MARK3: variants seen among roughly 807,000 people sequenced by gnomAD.
MARK3 encodes the protein MAP/microtubule affinity-regulating kinase 3.
A neutral mutation model predicts 90.1 loss-of-function variants in MARK3; 46 were observed. The ratio of observed to expected loss-of-function variants is 0.51; its 90% confidence interval spans 0.40 to 0.65. The LOEUF is 0.65. Ranked by LOEUF, MARK3 falls within the 30% of genes least tolerant of loss-of-function variation. MARK3 has a pLI of 0.00. For synonymous variants in MARK3, 321 were observed against 332.6 expected, an observed-to-expected ratio of 0.97 and a Z score of 0.38; for missense variants, 818 against 947.2, an observed-to-expected ratio of 0.86 and a Z score of 1.79.
Position 103,462,410 on chromosome 14 carries a change from G to T in MARK3, c.489G>T (p.Val163=). The T allele has an allele frequency of 1.2e-6, 2 of 1,601,586 alleles. No homozygotes were observed. Among genetic ancestry groups the T allele is most frequent in the Non-Finnish European group, 8.5e-7 (1 of 1,169,598 alleles). The change falls in exon 7 of 18, where the codon GTG becomes GTT. Residue 163 remains valine, a synonymous_variant. Coordinates refer to ENST00000429436, the MANE Select transcript of MARK3 (RefSeq NM_001128918.3). ...KEARSKFRQI[V]SAVQYCHQKR... ...TCTGCGTCTCTCCTATTCAGATTGT[G>T]TCTGCAGTTCAATACTGCCATCAGA...
intron 3 of MARK3, among the ~76,000 whole-genome samples, chr14:103,430,305 A>G (rs949612876): frequency 2.0e-5 from 3 of 152,180 alleles, no homozygotes; most frequent in African/African-American, 7.2e-5. Flanking sequence ...TATGAAGTAA[A>G]TTAGAAGCAT....
chr14:103,404,804 G>A (rs1267170791), intron 1 of MARK3, among the ~76,000 whole-genome samples: 2 of 152,134 alleles, frequency 1.3e-5, no homozygotes, highest in East Asian at 1.9e-4. Context: ...CCAGAAGGTA[G>A]CCCTTTTACT....
rs2091206777 is a variant in MARK3 at position 103,405,190 on chromosome 14, T to C, written c.166T>C (p.Tyr56His). ...CADEQPHIGN[Y>H]RLLKTIGKGN... ...AGATGAACAACCTCACATCGGAAACTACAGACTGTTGAAAACAATCGGCAA... is the reference window on the plus strand; with the variant it reads ...AGATGAACAACCTCACATCGGAAACCACAGACTGTTGAAAACAATCGGCAA... The change falls in exon 2 of 18, where the codon TAC (tyrosine) becomes CAC (histidine). Residue 56 changes from tyrosine to histidine, a missense_variant. By Grantham distance (83) the Tyr-to-His change is moderately conservative (BLOSUM62 2). Transcript: ENST00000429436. 6.3e-7 allele frequency: 1 copy of C among 1,596,918 alleles called. No homozygotes were observed.
intron 2 of MARK3, among the ~76,000 whole-genome samples, chr14:103,413,242 T>C (rs2065017): frequency 0.28 from 43,031 of 152,076 alleles, 7,261 homozygotes; most frequent in Non-Finnish European, 0.36. Flanking sequence ...GTAACTTTTT[T>C]CATCTATGTT....
chr14:103,414,969 T>A (rs12881583), intron 2 of MARK3, among the ~76,000 whole-genome samples: 1 of 150,094 alleles, frequency 6.7e-6, no homozygotes, highest in East Asian at 1.9e-4. Context: ...CTGGCCAACA[T>A]GGCAAAATCC....
At chr14:103,462,499 G>T (rs1396578410) in intron 7 of MARK3, 38 bp downstream of exon 7, 1 of 1,502,338 alleles carries the variant, frequency 6.7e-7, no homozygotes, top group Non-Finnish European at 9.2e-7. Context: ...TGCTCTGTCT[G>T]TTTGTGTGCA....
At chr14:103,423,370 A>G (rs1052798632) in intron 2 of MARK3, among the ~76,000 whole-genome samples, 1 of 152,074 alleles carries the variant, frequency 6.6e-6, no homozygotes, top group Non-Finnish European at 1.5e-5. Context: ...CATCTCATGT[A>G]TGAGCTGTCC....
At chr14:103,490,597 T>C (rs1488278054) in intron 14 of MARK3, 1 of 152,316 alleles carries the variant, frequency 6.6e-6, no homozygotes, top group Admixed American at 6.5e-5. Context: ...CATGCTCATA[T>C]TATATATTCA....
chr14:103,487,028 T>G (rs552917985), intron 14 of MARK3, among the ~76,000 whole-genome samples: 11 of 151,960 alleles, frequency 7.2e-5, no homozygotes, highest in Admixed American at 7.2e-4. Context: ...ACGATTCTTA[T>G]ACCTCAGCCT....
At position 103,503,753 on chromosome 14, in the gene MARK3, A is replaced by G. The variant is rs1224969049; in HGVS notation, c.*526A>G. ...TTTTTAGTGCAAAAGGTTTAAATTT[A>G]TAGTTGTGAACATTGCTTGTGTGTG... On this transcript the variant is annotated 3_prime_UTR_variant, in exon 18 of 18. Coordinates refer to ENST00000429436, the MANE Select transcript of MARK3 (RefSeq NM_001128918.3). 6.5e-6 allele frequency: 1 copy of G among 153,768 alleles called. No individual in the cohort carries two copies. The highest frequency in any genetic ancestry group is 2.4e-5 in the African/African-American group (1 of 41,470). 9.5% of individuals were successfully genotyped at this position (153,768 alleles called of 1,614,324 possible).
At chr14:103,478,480 ACTT>A (rs779300993) in intron 13 of MARK3, among the ~76,000 whole-genome samples, 10 of 148,102 alleles carry the variant, frequency 6.8e-5, no homozygotes, top group Non-Finnish European at 1.0e-4. Flanking sequence ...TTTTGTGTCT[ACTT>A]CTTTCTTTGA....
chr14:103,404,311 C>CT (rs1335352386), intron 1 of MARK3, among the ~76,000 whole-genome samples: 1 of 151,920 alleles, frequency 6.6e-6, no homozygotes, highest in African/African-American at 2.4e-5. Context: ...AATGAGAAGC[C>CT]TCCCTTGGGC....
chr14:103,469,467 C>G (rs1383558613), intron 12 of MARK3, among the ~76,000 whole-genome samples: 1 of 151,568 alleles, frequency 6.6e-6, no homozygotes, highest in African/African-American at 2.4e-5. Flanking sequence ...CAGGTGTGAG[C>G]CACCGCGCCT....
chr14:103,463,557 A>G (rs1297309247), intron 7 of MARK3, among the ~76,000 whole-genome samples: 1 of 152,154 alleles, frequency 6.6e-6, no homozygotes, highest in African/African-American at 2.4e-5. Flanking sequence ...CTCCTGTGCT[A>G]CCCACTCAGT....
intron 1 of MARK3, among the ~76,000 whole-genome samples, chr14:103,390,629 A>G (rs2090174590): frequency 6.6e-6 from 1 of 152,214 alleles, no homozygotes; most frequent in South Asian, 2.1e-4. Context: ...AACAAAGTTT[A>G]TGAATTTGTG....
rs563758864 is a variant in MARK3, at chr14:103,495,234, G to T, written c.1844+3200G>T. On this transcript the variant is annotated intron_variant, in intron 15 of 17. Transcript: ENST00000429436. ...GCCTGTAATCCCAGCACTTTGGGAG[G>T]CCAAGGCAGGTAGATCAGGTAGATC... 3.2e-4 allele frequency among the ~76,000 whole-genome samples: 49 copies of T among 152,280 alleles called. No homozygotes were observed. The East Asian group carries it at 9.1e-3, about 28-fold the overall frequency.
chr14:103,399,714 A>T (rs78589869), intron 1 of MARK3, among the ~76,000 whole-genome samples: 1 of 82,122 alleles, frequency 1.2e-5, no homozygotes, highest in Non-Finnish European at 2.7e-5. Context: ...AAAAAAAAAG[A>T]AAAAAAAAAA....
chr14:103,492,109 G>A, intron 15 of MARK3, 75 bp downstream of exon 15: 1 of 1,524,078 alleles, frequency 6.6e-7, no homozygotes, highest in Non-Finnish European at 8.9e-7. Context: ...GTTGTGTGAA[G>A]CCACTGCTAC....
chr14:103,402,009 G>C (rs1272656876), intron 1 of MARK3, among the ~76,000 whole-genome samples: 1 of 152,190 alleles, frequency 6.6e-6, no homozygotes, highest in African/African-American at 2.4e-5. Flanking sequence ...TCTACTGGCT[G>C]ATGTCGTGGG....
Sources: gnomAD v4.1 joint callset for allele counts (sites outside exome capture counted in the v4.1 genomes callset) on GRCh38, gnomAD v4.1.1 for gene constraint, MANE v1.5 for transcripts, NCBI Gene and HGNC (gene_info 2026-07-23, HGNC 2026-07-21) for gene names.